SLC5A3: variants seen among roughly 807,000 people sequenced by gnomAD.
SLC5A3 encodes the protein sodium/myo-inositol cotransporter.
Under a neutral mutation model 43.2 loss-of-function variants are expected in SLC5A3, and 10 were observed. That is an observed-to-expected ratio of 0.23 (90% CI 0.14 to 0.39). SLC5A3 has a LOEUF of 0.39. Ranked by LOEUF, SLC5A3 falls within the 10% of genes least tolerant of loss-of-function variation. The probability of loss-of-function intolerance (pLI) is 1.00; values close to 1 mark genes in which losing one functional copy is unlikely to be tolerated. For synonymous variants in SLC5A3, 349 were observed against 322.0 expected, an observed-to-expected ratio of 1.08 and a Z score of -0.90; for missense variants, 608 against 893.4, an observed-to-expected ratio of 0.68 and a Z score of 4.07.
chr21:34,102,195 A>G lies in SLC5A3; in HGVS notation c.*4840A>G, dbSNP rs935527979. On this transcript the variant is annotated 3_prime_UTR_variant, in exon 2 of 2. Coordinates refer to ENST00000381151, the MANE Select transcript of SLC5A3 (RefSeq NM_006933.7). ...CTGTTCAGCTACTTTGACTCCTAGGAGAGAATTTAGTTAAGGTTCAAAGTA... is the reference window on the plus strand; with the variant it reads ...CTGTTCAGCTACTTTGACTCCTAGGGGAGAATTTAGTTAAGGTTCAAAGTA... 2 of 999,806 alleles carry G rather than the reference A, an allele frequency of 2.0e-6. No homozygotes were observed. The highest frequency in any genetic ancestry group is 2.4e-6 in the Non-Finnish European group (2 of 829,832). The allele number at this position is 999,806 out of a possible 1,614,324, so 61.9% of individuals were successfully genotyped here.
At chr21:34,077,310 A>T (rs115295321) in intron 1 of SLC5A3, among the ~76,000 whole-genome samples, 3 of 152,228 alleles carry the variant, frequency 2.0e-5, no homozygotes, top group Non-Finnish European at 4.4e-5. Context: ...CCTTGGGTAT[A>T]CAGGAAGAAG....
intron 1 of SLC5A3, among the ~76,000 whole-genome samples, 155 bp from the exon 2 acceptor site, chr21:34,094,708 C>T (rs1978885764): frequency 6.6e-6 from 1 of 150,976 alleles, no homozygotes; most frequent in Non-Finnish European, 1.5e-5. Flanking sequence ...ATATAGATTG[C>T]TCTTTCCTGT....
chr21:34,101,422 T>C lies in SLC5A3; in HGVS notation c.*4067T>C, dbSNP rs185732400. The C allele has an allele frequency of 3.7e-5, 37 of 1,000,210 alleles. No individual in the cohort carries two copies. Among genetic ancestry groups the C allele is most frequent in the East Asian group, 2.3e-4 (2 of 8,822 alleles). 62.0% of individuals were successfully genotyped at this position (1,000,210 alleles called of 1,614,324 possible). ...AAAAATGCTTTGAGGCTTCAGTATTTGTAAGATTTTGCATTAGCCAGATGC... is the reference window on the plus strand; with the variant it reads ...AAAAATGCTTTGAGGCTTCAGTATTCGTAAGATTTTGCATTAGCCAGATGC... On this transcript the variant is annotated 3_prime_UTR_variant, in exon 2 of 2. Transcript: ENST00000381151.
Position 34,103,770 on chromosome 21 carries a change from T to C in SLC5A3, c.*6415T>C. The C allele has an allele frequency of 1.0e-6, 1 of 1,000,076 alleles. No homozygotes were observed. Among genetic ancestry groups the C allele is most frequent in the Non-Finnish European group, 1.2e-6 (1 of 829,884 alleles). The allele number at this position is 1,000,076 out of a possible 1,614,324, so 62.0% of individuals were successfully genotyped here. ...AATGGTAAGGGACCCAAAGGAATAA[T>C]CTCAATAAGTTTGTACCACATTGAT... On this transcript the variant is annotated 3_prime_UTR_variant, in exon 2 of 2. Coordinates refer to ENST00000381151, the MANE Select transcript of SLC5A3 (RefSeq NM_006933.7).
intron 1 of SLC5A3, among the ~76,000 whole-genome samples, chr21:34,087,753 TG>T (rs1978470712): frequency 6.6e-6 from 1 of 152,222 alleles, no homozygotes; most frequent in Non-Finnish European, 1.5e-5. Context: ...GCTAGTGCCC[TG>T]TAGTGGGCCA....
Position 34,099,000 on chromosome 21 carries a change from A to C in SLC5A3, c.*1645A>C. Reference sequence around the variant, plus strand: ...TTTTGAATCAAAACTCAGTCTTTTTAATTTTTTTGTAGTCTATAAACTAGT... The same window carrying C: ...TTTTGAATCAAAACTCAGTCTTTTTCATTTTTTTGTAGTCTATAAACTAGT... On this transcript the variant is annotated 3_prime_UTR_variant, in exon 2 of 2. Transcript: ENST00000381151. 1.0e-6 allele frequency: 1 copy of C among 989,598 alleles called. No homozygotes were observed. The highest frequency in any genetic ancestry group is 1.2e-6 in the Non-Finnish European group (1 of 820,356). The allele number at this position is 989,598 out of a possible 1,614,324, so 61.3% of individuals were successfully genotyped here.
At chr21:34,075,021 C>A (rs1045353944) in intron 1 of SLC5A3, among the ~76,000 whole-genome samples, 3 of 152,224 alleles carry the variant, frequency 2.0e-5, no homozygotes, top group African/African-American at 7.2e-5. Context: ...AGTATCTGTT[C>A]AGCCTCTTGA....
In SLC5A3 at chr21:34,105,219, C is replaced by T. The variant is rs1015932154; in HGVS notation, c.*7864C>T. ...AGTTCAGAAATAGAGCAGGGATTTA[C>T]CCGTTCTTTGCTTGGACATCCCATT... On this transcript the variant is annotated 3_prime_UTR_variant, in exon 2 of 2. Coordinates refer to ENST00000381151, the MANE Select transcript of SLC5A3 (RefSeq NM_006933.7). 1 of 1,000,124 alleles carries T rather than the reference C, an allele frequency of 1.0e-6. No homozygotes were observed. Among genetic ancestry groups the T allele is most frequent in the African/African-American group, 1.7e-5 (1 of 57,232 alleles). The allele number at this position is 1,000,124 out of a possible 1,614,324, so 62.0% of individuals were successfully genotyped here.
intron 1 of SLC5A3, among the ~76,000 whole-genome samples, chr21:34,076,103 G>A (rs1989323981): frequency 6.6e-6 from 1 of 152,098 alleles, no homozygotes; most frequent in Non-Finnish European, 1.5e-5. Context: ...TGTGCATCTT[G>A]GAATTGAGGA....
Position 34,105,041 on chromosome 21 carries a change from C to CTT in SLC5A3, c.*7689_*7690dup, listed in dbSNP as rs146361117. On this transcript the variant is annotated 3_prime_UTR_variant, in exon 2 of 2. Coordinates refer to ENST00000381151, the MANE Select transcript of SLC5A3 (RefSeq NM_006933.7). ...CTTTTGAGTGGCAAACAGATCAAGT[C>CTT]TTTTGCTCATAGACTTTTCTGTGGG... 1.0e-6 allele frequency: 1 copy of CTT among 1,000,046 alleles called. No individual in the cohort carries two copies. The highest frequency in any genetic ancestry group is 4.7e-5 in the South Asian group (1 of 21,284). The allele number at this position is 1,000,046 out of a possible 1,614,324, so 61.9% of individuals were successfully genotyped here.
In SLC5A3 at chr21:34,095,757, C is replaced by T. The variant is rs1602928687; in HGVS notation, c.559C>T (p.Leu187=). 6.2e-7 allele frequency: 1 copy of T among 1,614,074 alleles called. No homozygotes were observed. Among genetic ancestry groups the T allele is most frequent in the Non-Finnish European group, 8.5e-7 (1 of 1,179,996 alleles). The change falls in exon 2 of 2, where the codon CTG becomes TTG. Residue 187 remains leucine, a synonymous_variant. Coordinates refer to ENST00000381151, the MANE Select transcript of SLC5A3 (RefSeq NM_006933.7). ...TGTTGCAGTGATCTACACAGACACT[C>T]TGCAGGCTCTGCTCATGATCATTGG... ...GLVAVIYTDT[L]QALLMIIGAL... is the part of the protein sequence containing the mutation.
intron 1 of SLC5A3, among the ~76,000 whole-genome samples, chr21:34,089,537 A>G (rs962981660): frequency 2.6e-5 from 4 of 152,158 alleles, no homozygotes; most frequent in Non-Finnish European, 4.4e-5. Flanking sequence ...GTTAAAATGA[A>G]TATATCTTGG....
intron 1 of SLC5A3, among the ~76,000 whole-genome samples, chr21:34,085,033 T>C (rs1462284960): frequency 6.6e-6 from 1 of 152,262 alleles, no homozygotes; most frequent in African/African-American, 2.4e-5. Flanking sequence ...AAAACGGACA[T>C]TGATACGATA....
At chr21:34,090,388 A>G (rs1978623937) in intron 1 of SLC5A3, among the ~76,000 whole-genome samples, 1 of 152,244 alleles carries the variant, frequency 6.6e-6, no homozygotes, top group African/African-American at 2.4e-5. Flanking sequence ...GACAAAAGTG[A>G]AAGCATGTAT....
chr21:34,097,889 C>T lies in SLC5A3; in HGVS notation c.*534C>T. Reference sequence around the variant, plus strand: ...TCATTTGCCAGGTTCATTTTGTTAGCATGAGCCTACGGATTCTGATTTCCC... The same window carrying T: ...TCATTTGCCAGGTTCATTTTGTTAGTATGAGCCTACGGATTCTGATTTCCC... On this transcript the variant is annotated 3_prime_UTR_variant, in exon 2 of 2. Transcript: ENST00000381151. 1.0e-6 allele frequency: 1 copy of T among 996,360 alleles called. No individual in the cohort carries two copies. Among genetic ancestry groups the T allele is most frequent in the Non-Finnish European group, 1.2e-6 (1 of 826,452 alleles). 61.7% of individuals were successfully genotyped at this position (996,360 alleles called of 1,614,324 possible).
chr21:34,084,818 C>G (rs1989535066), intron 1 of SLC5A3, among the ~76,000 whole-genome samples: 1 of 152,086 alleles, frequency 6.6e-6, no homozygotes, highest in South Asian at 2.1e-4. Flanking sequence ...ATTAATTTCC[C>G]TTGGCTAACA....
Position 34,103,455 on chromosome 21 carries a change from CTTATG to C in SLC5A3, c.*6103_*6107del. 1 of 998,676 alleles carries C rather than the reference CTTATG, an allele frequency of 1.0e-6. No homozygotes were observed. The highest frequency in any genetic ancestry group is 1.2e-6 in the Non-Finnish European group (1 of 828,660). The allele number at this position is 998,676 out of a possible 1,614,324, so 61.9% of individuals were successfully genotyped here. Reference sequence around the variant, plus strand: ...TATATCCATTAAAAACTTAAAGTTACTTATGTTCTGTGATCTTAATTTTGTTGTGT... The same window carrying C: ...TATATCCATTAAAAACTTAAAGTTACTTCTGTGATCTTAATTTTGTTGTGT... On this transcript the variant is annotated 3_prime_UTR_variant, in exon 2 of 2. Coordinates refer to ENST00000381151, the MANE Select transcript of SLC5A3 (RefSeq NM_006933.7).
chr21:34,074,183 C>G (rs1451939672), intron 1 of SLC5A3, among the ~76,000 whole-genome samples: 1 of 150,062 alleles, frequency 6.7e-6, no homozygotes, highest in East Asian at 1.9e-4. Context: ...CCTGGTCCGT[C>G]CCGCTCCGCC....
chr21:34,105,973 C>G lies in SLC5A3; in HGVS notation c.*8618C>G, dbSNP rs1979458321. On this transcript the variant is annotated 3_prime_UTR_variant, in exon 2 of 2. Coordinates refer to ENST00000381151, the MANE Select transcript of SLC5A3 (RefSeq NM_006933.7). ...TTGTAAACATGTATGATCTTGGTTT[C>G]ATGTGTTTTTGAAAGTGTTATTGTT... 2.0e-6 allele frequency: 2 copies of G among 994,854 alleles called. No homozygotes were observed. Among genetic ancestry groups the G allele is most frequent in the Non-Finnish European group, 2.4e-6 (2 of 825,104 alleles). 61.6% of individuals were successfully genotyped at this position (994,854 alleles called of 1,614,324 possible).
Sources: gnomAD v4.1 joint callset for allele counts (sites outside exome capture counted in the v4.1 genomes callset) on GRCh38, gnomAD v4.1.1 for gene constraint, MANE v1.5 for transcripts, NCBI Gene and HGNC (gene_info 2026-07-23, HGNC 2026-07-21) for gene names.